The following LRRC63 variants were observed in gnomAD, a reference collection of about 807,000 sequenced individuals.
LRRC63 encodes the protein leucine rich repeat containing 63.
Under a neutral mutation model 49.5 loss-of-function variants are expected in LRRC63, and 40 were observed. The ratio of observed to expected loss-of-function variants is 0.81; its 90% CI spans 0.63 to 1.05. The LOEUF (loss-of-function observed/expected upper bound fraction) is 1.05. LRRC63 is among the 50% of genes least tolerant of loss of function. The probability of loss-of-function intolerance (pLI) is 0.00; values close to 1 mark genes in which losing one functional copy is unlikely to be tolerated. For synonymous variants in LRRC63, 191 were observed against 221.1 expected (o/e 0.86, Z 1.21); for missense variants, 636 against 663.1 (o/e 0.96, Z 0.45).
Position 46,229,383 on chromosome 13 carries a change from C to T in LRRC63, c.832+650C>T, listed in dbSNP as rs79355715. Among the ~76,000 whole-genome samples, 662 of 152,250 alleles carry T rather than the reference C, an allele frequency of 4.3e-3. 18 individuals are homozygous for T. The East Asian group carries it at 0.064, about 15-fold the overall frequency. ...GGAACTGGACAGTAACCAATGTGGG[C>T]GTGACTTGAGTAGAACTGGACAGTA... On this transcript the variant is annotated intron_variant, in intron 4 of 9. Transcript: ENST00000595396.
At chr13:46,247,100 A>C (rs1427325224) in intron 6 of LRRC63, among the ~76,000 whole-genome samples, 2 of 152,164 alleles carry the variant, frequency 1.3e-5, no homozygotes, top group Non-Finnish European at 2.9e-5. Context: ...ATTATGAGTG[A>C]TTAGGACAAA....
chr13:46,258,192 C>T (rs759166885), intron 7 of LRRC63, among the ~76,000 whole-genome samples: 7 of 147,460 alleles, frequency 4.7e-5, no homozygotes, highest in South Asian at 4.2e-4. Flanking sequence ...TGCAATGGCA[C>T]GATCTTGGCT....
chr13:46,250,541 C>A, intron 7 of LRRC63, 50 bp downstream of exon 7: 1 of 1,388,632 alleles, frequency 7.2e-7, no homozygotes, highest in South Asian at 1.4e-5. Flanking sequence ...TTCATAATTT[C>A]GAAAAAGATC....
At chr13:46,260,263 G>C (rs1409742029) in intron 7 of LRRC63, among the ~76,000 whole-genome samples, 1 of 152,194 alleles carries the variant, frequency 6.6e-6, no homozygotes, top group African/African-American at 2.4e-5. Flanking sequence ...GCAAGAAAAT[G>C]ATATGATATT....
chr13:46,250,922 G>A (rs1270514639), intron 7 of LRRC63, among the ~76,000 whole-genome samples: 1 of 151,800 alleles, frequency 6.6e-6, no homozygotes, highest in Non-Finnish European at 1.5e-5. Context: ...TTCCTAATCT[G>A]TAAACTAAGG....
At chr13:46,240,956 A>G (rs192990286) in intron 5 of LRRC63, among the ~76,000 whole-genome samples, 2 of 152,376 alleles carry the variant, frequency 1.3e-5, no homozygotes, top group East Asian at 3.9e-4. Context: ...ACTACCAGTG[A>G]CATTCTTCAC....
At chr13:46,217,217 C>T (rs372749356) in intron 2 of LRRC63, among the ~76,000 whole-genome samples, 9 of 152,098 alleles carry the variant, frequency 5.9e-5, no homozygotes, top group African/African-American at 1.9e-4. Context: ...TGGTAGAATT[C>T]GGCTGTGAAT....
chr13:46,254,747 T>A (rs115756753), intron 7 of LRRC63, among the ~76,000 whole-genome samples: 3 of 152,160 alleles, frequency 2.0e-5, no homozygotes, highest in Admixed American at 1.3e-4. Context: ...GTTTGAGAGA[T>A]GATGCTGTGG....
In LRRC63 at chr13:46,238,383, A is replaced by G. The variant is rs149402690; in HGVS notation, c.990+4034A>G. Among the ~76,000 whole-genome samples the G allele has an allele frequency of 4.3e-4, 66 of 152,296 alleles. 1 individual carries two copies. The East Asian group carries it at 0.012, about 27-fold the overall frequency. ...TCTAAAATCAACCATGTAATCGAAC[A>G]CAAAACAAGTCTCAGCAAATGCAAA... On this transcript the variant is annotated intron_variant, in intron 5 of 9. Transcript: ENST00000595396.
intron 9 of LRRC63, chr13:46,270,634 G>A (rs1221708236): frequency 2.5e-6 from 2 of 813,826 alleles, no homozygotes; most frequent in Non-Finnish European, 4.3e-6. Flanking sequence ...GACTGACATG[G>A]AGCAAAAAGC....
intron 2 of LRRC63, among the ~76,000 whole-genome samples, chr13:46,222,749 G>A (rs1489698343): frequency 1.3e-5 from 2 of 151,494 alleles, no homozygotes; most frequent in Non-Finnish European, 2.9e-5. Context: ...CTGCTATAAA[G>A]ACACATGCAC....
At chr13:46,225,730 C>T (rs2046553924) in intron 2 of LRRC63, among the ~76,000 whole-genome samples, 1 of 152,164 alleles carries the variant, frequency 6.6e-6, no homozygotes, top group Non-Finnish European at 1.5e-5. Context: ...TACTACTGCC[C>T]TTCAATCTCA....
chr13:46,225,657 T>A (rs1727235371), intron 2 of LRRC63, among the ~76,000 whole-genome samples: 1 of 152,220 alleles, frequency 6.6e-6, no homozygotes, highest in African/African-American at 2.4e-5. Context: ...TTGGTATAGC[T>A]ATTTTATTGA....
chr13:46,220,852 G>A (rs975268698), intron 2 of LRRC63, among the ~76,000 whole-genome samples: 1 of 152,110 alleles, frequency 6.6e-6, no homozygotes, highest in African/African-American at 2.4e-5. Flanking sequence ...GCTTCTCCTG[G>A]CTAGGGTTGG....
chr13:46,245,546 A>G (rs894304957), intron 5 of LRRC63, among the ~76,000 whole-genome samples: 1 of 152,226 alleles, frequency 6.6e-6, no homozygotes, highest in African/African-American at 2.4e-5. Context: ...TAAGATATCT[A>G]GAAAAGTACC....
chr13:46,217,549 A>G (rs190117616), intron 2 of LRRC63, among the ~76,000 whole-genome samples: 17 of 152,172 alleles, frequency 1.1e-4, no homozygotes, highest in African/African-American at 4.1e-4. Flanking sequence ...ACTCTTTTCA[A>G]AAAACCAGCT....
At chr13:46,240,813 C>CA (rs1182522862) in intron 5 of LRRC63, among the ~76,000 whole-genome samples, 1 of 152,034 alleles carries the variant, frequency 6.6e-6, no homozygotes, top group Non-Finnish European at 1.5e-5. Context: ...CTATGAAACA[C>CA]AAAGTTCAAA....
chr13:46,246,799 T>C (rs2047226972), intron 6 of LRRC63, among the ~76,000 whole-genome samples, 174 bp downstream of exon 6: 1 of 152,180 alleles, frequency 6.6e-6, no homozygotes, highest in Admixed American at 6.5e-5. Flanking sequence ...TACATCTTTC[T>C]TAGGAAATCC....
At chr13:46,222,144 TTGTA>T (rs1342132349) in intron 2 of LRRC63, among the ~76,000 whole-genome samples, 1 of 152,216 alleles carries the variant, frequency 6.6e-6, no homozygotes, top group Non-Finnish European at 1.5e-5. Flanking sequence ...TGTTGGCCAT[TTGTA>T]TGTCTTCTTT....
Sources: allele counts gnomAD v4.1 joint callset (sites outside exome capture counted in the v4.1 genomes callset), GRCh38; gene constraint gnomAD v4.1.1; transcripts MANE v1.5; gene names NCBI Gene and HGNC (gene_info 2026-07-23, HGNC 2026-07-21).